The following LIPG variants were observed in gnomAD, a reference collection of about 807,000 sequenced individuals.
LIPG encodes the protein endothelial lipase.
Under a neutral mutation model 51.8 loss-of-function variants are expected in LIPG, and 34 were observed. The ratio of observed to expected loss-of-function variants is 0.66; its 90% CI spans 0.50 to 0.87. LIPG has a LOEUF of 0.87. Ranked by LOEUF, LIPG falls within the 40% of genes least tolerant of loss-of-function variation. LIPG has a pLI of 0.00. For synonymous variants in LIPG, 246 were observed against 246.1 expected, an observed-to-expected ratio of 1.00 and a Z score of 0.00; for missense variants, 580 against 652.7, an observed-to-expected ratio of 0.89 and a Z score of 1.21.
rs1401397120 is a variant in LIPG at position 49,578,624 on chromosome 18, G to T, written c.794-2791G>T. Among the ~76,000 whole-genome samples, 18 of 150,048 alleles carry T rather than the reference G, an allele frequency of 1.2e-4. No individual in the cohort carries two copies. The East Asian group carries it at 1.6e-3, about 13-fold the overall frequency. On this transcript the variant is annotated intron_variant, in intron 5 of 9. Coordinates refer to ENST00000261292, the MANE Select transcript of LIPG (RefSeq NM_006033.4). ...CTCCTCACTTCCCAGATGGGGTGGC[G>T]GCCGGGCAGAGGCTGCAATCTCGGC...
intron 4 of LIPG, among the ~76,000 whole-genome samples, chr18:49,571,629 G>A (rs1307417618): frequency 6.6e-6 from 1 of 152,152 alleles, no homozygotes; most frequent in East Asian, 1.9e-4. Context: ...ATGTCTGATG[G>A]GGGAGGCTGC....
intron 5 of LIPG, among the ~76,000 whole-genome samples, chr18:49,578,162 C>T (rs1343972906): frequency 1.3e-4 from 18 of 143,210 alleles, no homozygotes; most frequent in African/African-American, 2.7e-4. Flanking sequence ...GGCTGCTGGG[C>T]GGAGACGCTC....
chr18:49,579,403 T>G lies in LIPG; in HGVS notation c.794-2012T>G, dbSNP rs1202314519. Among the ~76,000 whole-genome samples the G allele has an allele frequency of 4.0e-5, 6 of 151,856 alleles. No individual in the cohort carries two copies. The South Asian group carries it at 8.3e-4, about 21-fold the overall frequency. On this transcript the variant is annotated intron_variant, in intron 5 of 9. Coordinates refer to ENST00000261292, the MANE Select transcript of LIPG (RefSeq NM_006033.4). Reference sequence around the variant, plus strand: ...TGATCCTCCTGCCTCAGCCTGAGATTACAGGCGCAAACCACCATACCTGGC... The same window carrying G: ...TGATCCTCCTGCCTCAGCCTGAGATGACAGGCGCAAACCACCATACCTGGC...
intron 4 of LIPG, 147 bp downstream of exon 4, chr18:49,569,695 T>A: frequency 8.3e-6 from 6 of 721,838 alleles, no homozygotes; most frequent in Non-Finnish European, 1.2e-5. Flanking sequence ...GCGTTTTTAG[T>A]CACAAGAAAC....
intron 7 of LIPG, 91 bp downstream of exon 7, chr18:49,582,573 G>A: frequency 1.9e-6 from 3 of 1,542,214 alleles, no homozygotes; most frequent in Non-Finnish European, 2.7e-6. Flanking sequence ...AACGAGTACA[G>A]CACGCAGGAG....
chr18:49,570,826 C>T (rs143650892), intron 4 of LIPG, among the ~76,000 whole-genome samples: 2,385 of 152,252 alleles, frequency 0.016, 38 homozygotes, highest in Non-Finnish European at 0.027. Flanking sequence ...AAGACTCCGT[C>T]TCAAAAAACA....
chr18:49,561,799 G>A (rs760722820), upstream of LIPG: 15 of 1,257,550 alleles, frequency 1.2e-5, no homozygotes, highest in Middle Eastern at 3.0e-4. Context: ...GTCCGGAGGA[G>A]GGCAGTGGGA....
In LIPG at chr18:49,562,351, T is replaced by A. The variant is rs978738742; in HGVS notation, c.43T>A (p.Tyr15Asn). Reference protein sequence around the residue: ...VPLLCFWSLCYCFAAGSPVPF... With the variant: ...VPLLCFWSLCNCFAAGSPVPF... ...TCTGCTCTGTTTCTGGAGCCTCTGCTATTGCTTTGCTGCGGGGAGCCCCGT... is the reference window on the plus strand; with the variant it reads ...TCTGCTCTGTTTCTGGAGCCTCTGCAATTGCTTTGCTGCGGGGAGCCCCGT... The change falls in exon 1 of 10, where the codon TAT becomes AAT. Residue 15 changes from tyrosine to asparagine, a missense_variant. Tyr to Asn is a moderately radical substitution (Grantham distance 143, BLOSUM62 -2). Transcript: ENST00000261292. The A allele has an allele frequency of 1.2e-6, 2 of 1,613,748 alleles. No homozygotes were observed. Among genetic ancestry groups the A allele is most frequent in the African/African-American group, 2.7e-5 (2 of 74,888 alleles).
At chr18:49,587,356 G>C (rs113874228) in intron 9 of LIPG, among the ~76,000 whole-genome samples, 6,680 of 151,720 alleles carry the variant, frequency 0.044, 394 homozygotes, top group East Asian at 0.21. Context: ...GGATCACGAG[G>C]TCAGGAGATC....
chr18:49,585,327 T>G (rs1266685772), intron 8 of LIPG, among the ~76,000 whole-genome samples: 2 of 152,176 alleles, frequency 1.3e-5, no homozygotes, highest in Non-Finnish European at 2.9e-5. Context: ...CCTCCCAAAG[T>G]GCTGAGATTA....
Position 49,562,093 on chromosome 18 carries a change from G to C in LIPG, c.-216G>C. The C allele has an allele frequency of 6.9e-7, 1 of 1,448,272 alleles. No homozygotes were observed. The highest frequency in any genetic ancestry group is 2.5e-5 in the East Asian group (1 of 40,366). The allele number at this position is 1,448,272 out of a possible 1,614,324, so 89.7% of individuals were successfully genotyped here. On this transcript the variant is annotated 5_prime_UTR_variant, in exon 1 of 10. Coordinates refer to ENST00000261292, the MANE Select transcript of LIPG (RefSeq NM_006033.4). ...CTTGCCTCCCGGCGGCTCAGGACGA[G>C]GGCAGATCTCGTTCTGGGGCAAGCC...
In LIPG at chr18:49,581,846, C is replaced by T. The variant is rs905437711; in HGVS notation, c.1036+189C>T. ...TCTTTACAAAATAAACAGTGTGGAC[C>T]CCTTTTGTGATGTGGCTATCAGTCC... On this transcript the variant is annotated intron_variant, in intron 6 of 9. Coordinates refer to ENST00000261292, the MANE Select transcript of LIPG (RefSeq NM_006033.4). 7 of 707,844 alleles carry T rather than the reference C, an allele frequency of 9.9e-6. No homozygotes were observed. In the East Asian group the frequency reaches 1.9e-4, roughly 19 times the overall value. The allele number at this position is 707,844 out of a possible 1,614,324, so 43.8% of individuals were successfully genotyped here.
chr18:49,581,827 C>A, intron 6 of LIPG, 170 bp downstream of exon 6: 1 of 827,112 alleles, frequency 1.2e-6, no homozygotes, highest in Non-Finnish European at 2.0e-6. Flanking sequence ...GGAATCTTTA[C>A]AAAATAAACA....
intron 2 of LIPG, among the ~76,000 whole-genome samples, chr18:49,566,530 T>G (rs1177053387): frequency 6.6e-6 from 1 of 152,202 alleles, no homozygotes; most frequent in African/African-American, 2.4e-5. Flanking sequence ...TATTTGATAA[T>G]GTGCTTGTGG....
intron 5 of LIPG, among the ~76,000 whole-genome samples, chr18:49,576,732 A>C (rs2084723164): frequency 6.6e-6 from 1 of 151,910 alleles, no homozygotes; most frequent in Non-Finnish European, 1.5e-5. Context: ...CGGCCTCCCA[A>C]AGTGCTGGGA....
chr18:49,572,730 T>TAA (rs149836695), intron 4 of LIPG, among the ~76,000 whole-genome samples: 2 of 130,906 alleles, frequency 1.5e-5, no homozygotes, highest in African/African-American at 5.8e-5. Context: ...GACCCTGTCT[T>TAA]AAAAAAAAAA....
rs752378673 is a variant in LIPG, at chr18:49,569,419, T to G, written c.460-18T>G. ...GGACCCTGCTCTTCTGCTCACATAC[T>G]TTGGTGACTTTCTATAGGAGAAGGA... On this transcript the variant is annotated intron_variant, in intron 3 of 9. Transcript: ENST00000261292. 2.5e-6 allele frequency: 4 copies of G among 1,608,048 alleles called. No homozygotes were observed. In the East Asian group the frequency reaches 8.9e-5, roughly 36 times the overall value.
In LIPG at chr18:49,587,568, C is replaced by CAAAAAAAA. The variant is rs34734805; in HGVS notation, c.1481+737_1481+744dup. 4.5e-4 allele frequency among the ~76,000 whole-genome samples: 19 copies of CAAAAAAAA among 42,310 alleles called. 1 individual carries two copies. The highest frequency in any genetic ancestry group is 1.4e-3 in the African/African-American group (18 of 12,628). The allele number at this position is 42,310 out of a possible 152,430, so 27.8% of individuals were successfully genotyped here. On this transcript the variant is annotated intron_variant, in intron 9 of 9. Coordinates refer to ENST00000261292, the MANE Select transcript of LIPG (RefSeq NM_006033.4). ...TGGGTGACAGAGTGAGACTCCGTCT[C>CAAAAAAAA]AAAAAAAAAAAAAAAAAAAAAAAAA...
At chr18:49,568,384 T>C (rs1014330847) in intron 3 of LIPG, among the ~76,000 whole-genome samples, 2 of 150,484 alleles carry the variant, frequency 1.3e-5, no homozygotes, top group Non-Finnish European at 3.0e-5. Context: ...TGAAGTCTTA[T>C]ATTTACTTTT....
Sources: gnomAD v4.1 joint callset for allele counts (sites outside exome capture counted in the v4.1 genomes callset) on GRCh38, gnomAD v4.1.1 for gene constraint, MANE v1.5 for transcripts, NCBI Gene and HGNC (gene_info 2026-07-23, HGNC 2026-07-21) for gene names.